The following COL26A1 variants were observed in gnomAD, a reference collection of about 807,000 sequenced individuals.
The protein encoded by COL26A1 is collagen type XXVI alpha 1 chain, also known as collagen alpha-1(XXVI) chain.
A neutral mutation model predicts 59.3 loss-of-function variants in COL26A1; 41 were observed. That is an observed-to-expected ratio of 0.69 (90% confidence interval 0.54 to 0.90). COL26A1 has a LOEUF of 0.90. Ranked by LOEUF, COL26A1 falls within the 40% of genes least tolerant of loss-of-function variation. The pLI, the probability that COL26A1 is intolerant of heterozygous loss-of-function variation, is 0.00. For missense variants in COL26A1, 612 were observed against 602.3 expected, an observed-to-expected ratio of 1.02 and a Z score of -0.17; for synonymous variants, 266 against 256.0, an observed-to-expected ratio of 1.04 and a Z score of -0.37.
At chr7:101,551,226 T>TGGG in intron 10 of COL26A1, 83 bp downstream of exon 10, 1 of 473,708 alleles carries the variant, frequency 2.1e-6, no homozygotes, top group Non-Finnish European at 3.8e-6. Flanking sequence ...GTGGCGGGGG[T>TGGG]TGGTGGGGGG....
intron 1 of COL26A1, among the ~76,000 whole-genome samples, chr7:101,395,471 C>T (rs1055873039): frequency 1.3e-5 from 2 of 152,232 alleles, no homozygotes; most frequent in African/African-American, 4.8e-5. Context: ...CTTAGGCAGG[C>T]CCTCCGCCCT....
intron 1 of COL26A1, among the ~76,000 whole-genome samples, chr7:101,369,443 CTTTTTT>C (rs1210867917): frequency 1.3e-5 from 1 of 75,904 alleles, no homozygotes; most frequent in Non-Finnish European, 2.2e-5. Flanking sequence ...TAATCTGCAT[CTTTTTT>C]TTTTTTTTTT....
At chr7:101,422,050 G>A (rs2898576) in intron 2 of COL26A1, among the ~76,000 whole-genome samples, 25,954 of 151,978 alleles carry the variant, frequency 0.17, 2,742 homozygotes, top group Non-Finnish European at 0.24. Flanking sequence ...GGTGGCTCAC[G>A]CCTGTAATCC....
chr7:101,520,627 G>GACACAC (rs1250474937), intron 3 of COL26A1, among the ~76,000 whole-genome samples: 8,161 of 88,928 alleles, frequency 0.092, 288 homozygotes, highest in Middle Eastern at 0.13. Context: ...GACAAGCACA[G>GACACAC]ACACATACAC....
chr7:101,402,209 G>A (rs1372305063), intron 1 of COL26A1, among the ~76,000 whole-genome samples: 3 of 152,126 alleles, frequency 2.0e-5, no homozygotes, highest in Non-Finnish European at 2.9e-5. Context: ...GTGGAGACTC[G>A]CTGGGCTGTG....
At chr7:101,496,158 C>T (rs913780745) in intron 3 of COL26A1, among the ~76,000 whole-genome samples, 8 of 152,160 alleles carry the variant, frequency 5.3e-5, no homozygotes, top group African/African-American at 1.7e-4. Context: ...CCTGGCAAAC[C>T]GGATGTTGCA....
intron 3 of COL26A1, among the ~76,000 whole-genome samples, chr7:101,489,312 G>C (rs1794334420): frequency 6.6e-6 from 1 of 152,088 alleles, no homozygotes; most frequent in South Asian, 2.1e-4. Context: ...GTCCAGCTAG[G>C]GAAAGAGGTG....
chr7:101,472,064 G>A (rs142044178), intron 3 of COL26A1, among the ~76,000 whole-genome samples: 2 of 152,090 alleles, frequency 1.3e-5, no homozygotes, highest in African/African-American at 2.4e-5. Context: ...GAGTGCAGTG[G>A]TATAAACATG....
intron 3 of COL26A1, among the ~76,000 whole-genome samples, chr7:101,492,942 G>T (rs908490885): frequency 6.6e-6 from 1 of 151,884 alleles, no homozygotes. Flanking sequence ...GCCCAGGCTG[G>T]TCTCAAACTC....
At position 101,544,043 on chromosome 7, in the gene COL26A1, G is replaced by T. The variant is rs1397357183; in HGVS notation, c.650G>T (p.Gly217Val). 6.2e-7 allele frequency: 1 copy of T among 1,602,326 alleles called. No individual in the cohort carries two copies. The highest frequency in any genetic ancestry group is 8.5e-7 in the Non-Finnish European group (1 of 1,175,164). ...CCACCAGGGCCTGCAGGCCCCCCCG[G>T]GTCTAAAGGTGACCGAGGCCAGACA... is the stretch of plus-strand genomic sequence containing the variant. ...TGPPGPAGPP[G>V]SKGDRGQTGE... Residue 217 changes from glycine (G) to valine (V), a missense_variant, in exon 6 of 13, where the codon GGG (glycine) becomes GTG (valine). Coordinates refer to ENST00000313669, the MANE Select transcript of COL26A1 (RefSeq NM_001278563.3).
intron 3 of COL26A1, among the ~76,000 whole-genome samples, chr7:101,506,016 AGC>A (rs898910408): frequency 1.6e-4 from 24 of 152,292 alleles, no homozygotes; most frequent in African/African-American, 5.8e-4. Context: ...GGACAGGAGA[AGC>A]CACACTCTAA....
At chr7:101,512,196 C>T (rs1794940156) in intron 3 of COL26A1, among the ~76,000 whole-genome samples, 1 of 152,014 alleles carries the variant, frequency 6.6e-6, no homozygotes, top group South Asian at 2.1e-4. Flanking sequence ...AGGTTGGGCT[C>T]CTCTGTTGCT....
rs1396648178 is a variant in COL26A1 at position 101,447,800 on chromosome 7, G to A, written c.385+13G>A. 3.2e-6 allele frequency: 5 copies of A among 1,553,422 alleles called. No individual in the cohort carries two copies. Among genetic ancestry groups the A allele is most frequent in the Non-Finnish European group, 4.4e-6 (5 of 1,136,370 alleles). On this transcript the variant is annotated intron_variant, in intron 3 of 12. Coordinates refer to ENST00000313669, the MANE Select transcript of COL26A1 (RefSeq NM_001278563.3). ...AACTGTGATGAGGGTAAGTTGGCAG[G>A]CACTTGGGCTGCAGGGGGCCAGGCG...
At chr7:101,476,249 C>T (rs948968129) in intron 3 of COL26A1, among the ~76,000 whole-genome samples, 6 of 151,930 alleles carry the variant, frequency 3.9e-5, no homozygotes, top group Admixed American at 2.0e-4. Flanking sequence ...CTGCCCACCT[C>T]GACCTCCTAA....
At chr7:101,464,053 C>T (rs960167066) in intron 3 of COL26A1, among the ~76,000 whole-genome samples, 6 of 151,488 alleles carry the variant, frequency 4.0e-5, no homozygotes, top group Non-Finnish European at 8.8e-5. Flanking sequence ...GCAGCCTCGA[C>T]GTCCTGGGCT....
At chr7:101,378,072 A>C (rs1791360338) in intron 1 of COL26A1, among the ~76,000 whole-genome samples, 1 of 152,018 alleles carries the variant, frequency 6.6e-6, no homozygotes, top group African/African-American at 2.4e-5. Flanking sequence ...TGTCTGGCTA[A>C]TTTATCATTT....
chr7:101,437,762 G>C (rs1182567630), intron 2 of COL26A1, among the ~76,000 whole-genome samples: 1 of 148,256 alleles, frequency 6.7e-6, no homozygotes, highest in Non-Finnish European at 1.5e-5. Context: ...TTTTTTAAGA[G>C]ACGGGGTCTG....
chr7:101,539,870 ACTCT>A lies in COL26A1; in HGVS notation c.448-20_448-17del, dbSNP rs745444238. The stretch of plus-strand genomic sequence containing the variant: ...ATGTGTCAGGCCCAACTGGGACCTG[ACTCT>A]CTATCTCCTTTGGCCCAGGTCCTCC... On this transcript the variant is annotated intron_variant, in intron 4 of 12. Coordinates refer to ENST00000313669, the MANE Select transcript of COL26A1 (RefSeq NM_001278563.3). 3 of 1,598,708 alleles carry A rather than the reference ACTCT, an allele frequency of 1.9e-6. No individual in the cohort carries two copies. Among genetic ancestry groups the A allele is most frequent in the South Asian group, 1.1e-5 (1 of 89,782 alleles).
intron 3 of COL26A1, among the ~76,000 whole-genome samples, chr7:101,481,780 A>C (rs1204586062): frequency 6.6e-6 from 1 of 151,964 alleles, no homozygotes; most frequent in Non-Finnish European, 1.5e-5. Flanking sequence ...CCAGCATTCC[A>C]AAGTGTTTGT....
Sources: allele counts gnomAD v4.1 joint callset (sites outside exome capture counted in the v4.1 genomes callset), GRCh38; gene constraint gnomAD v4.1.1; transcripts MANE v1.5; gene names NCBI Gene and HGNC (gene_info 2026-07-23, HGNC 2026-07-21).